The following NKAIN2 variants were observed in gnomAD, a reference collection of about 807,000 sequenced individuals.
The protein encoded by NKAIN2 is sodium/potassium-transporting ATPase subunit beta-1-interacting protein 2.
In NKAIN2, 14 loss-of-function variants were observed where a neutral mutation model predicts 32.6. The observed-to-expected ratio is 0.43, with a 90% CI of 0.28 to 0.67. NKAIN2 has a LOEUF of 0.67. Among genes scored for constraint, NKAIN2 ranks in the 30% least tolerant of loss-of-function variants. The probability of loss-of-function intolerance (pLI) is 0.17; values close to 1 mark genes in which losing one functional copy is unlikely to be tolerated. For missense variants in NKAIN2, 198 were observed against 258.3 expected (o/e 0.77, Z 1.60); for synonymous variants, 80 against 87.2 (o/e 0.92, Z 0.46).
At chr6:124,580,623 C>A (rs1187434392) in intron 3 of NKAIN2, among the ~76,000 whole-genome samples, 1 of 151,900 alleles carries the variant, frequency 6.6e-6, no homozygotes, top group Non-Finnish European at 1.5e-5. Flanking sequence ...AACCAGAAAA[C>A]AAATAACAAA....
At chr6:124,609,189 C>A (rs1055554239) in intron 3 of NKAIN2, among the ~76,000 whole-genome samples, 7 of 152,042 alleles carry the variant, frequency 4.6e-5, no homozygotes, top group Admixed American at 3.9e-4. Context: ...CAATATTTCC[C>A]CTCAATGTAA....
chr6:124,636,019 C>T (rs1486423125), intron 3 of NKAIN2, among the ~76,000 whole-genome samples: 4 of 151,902 alleles, frequency 2.6e-5, no homozygotes, highest in Admixed American at 6.6e-5. Flanking sequence ...GAAACATTCT[C>T]CAGGATAGAG....
chr6:124,505,557 C>T (rs904344151), intron 3 of NKAIN2, among the ~76,000 whole-genome samples: 2 of 152,148 alleles, frequency 1.3e-5, no homozygotes, highest in Admixed American at 1.3e-4. Context: ...TAATTGGGAA[C>T]TTCTGCTAAG....
intron 4 of NKAIN2, among the ~76,000 whole-genome samples, chr6:124,752,409 G>A (rs183437608): frequency 3.9e-5 from 6 of 152,006 alleles, no homozygotes; most frequent in African/African-American, 9.6e-5. Context: ...AACATTATTC[G>A]CTTCTCTTCT....
intron 1 of NKAIN2, among the ~76,000 whole-genome samples, chr6:124,048,604 G>T (rs575345729): frequency 6.6e-6 from 1 of 150,658 alleles, no homozygotes; most frequent in East Asian, 2.0e-4. Context: ...GAATATGCCA[G>T]CATCTACACA....
chr6:124,440,980 ATAC>A (rs1226585458), intron 3 of NKAIN2, among the ~76,000 whole-genome samples: 1 of 152,096 alleles, frequency 6.6e-6, no homozygotes, highest in Non-Finnish European at 1.5e-5. Context: ...ACAGTGCCAT[ATAC>A]TAGTAATTGA....
At chr6:124,359,785 T>C (rs1434393549) in intron 3 of NKAIN2, among the ~76,000 whole-genome samples, 36 of 152,192 alleles carry the variant, frequency 2.4e-4, no homozygotes, top group African/African-American at 7.5e-4. Context: ...GCCTGATTGC[T>C]CTGGCCAGAA....
intron 4 of NKAIN2, among the ~76,000 whole-genome samples, chr6:124,711,863 G>C (rs1306650406): frequency 6.6e-6 from 1 of 152,152 alleles, no homozygotes; most frequent in African/African-American, 2.4e-5. Context: ...TGCTGGTGAG[G>C]AACTGTGTTC....
At chr6:124,066,196 AG>A (rs1337972215) in intron 1 of NKAIN2, among the ~76,000 whole-genome samples, 1 of 152,164 alleles carries the variant, frequency 6.6e-6, no homozygotes, top group African/African-American at 2.4e-5. Context: ...ATTATGTATA[AG>A]GGTTAACTTC....
intron 1 of NKAIN2, among the ~76,000 whole-genome samples, chr6:124,134,665 C>T (rs1786645228): frequency 6.6e-6 from 1 of 152,132 alleles, no homozygotes; most frequent in South Asian, 2.1e-4. Flanking sequence ...GCCTGGGCAA[C>T]AGAGCGAGAC....
intron 1 of NKAIN2, among the ~76,000 whole-genome samples, chr6:123,816,440 T>C (rs969689679): frequency 6.6e-6 from 1 of 152,118 alleles, no homozygotes; most frequent in African/African-American, 2.4e-5. Context: ...GAGGGCAAAG[T>C]AGTAATAAAT....
chr6:124,768,890 A>G (rs977428155), intron 4 of NKAIN2, among the ~76,000 whole-genome samples: 8 of 152,264 alleles, frequency 5.3e-5, no homozygotes, highest in African/African-American at 1.7e-4. Context: ...TTAAAAACCC[A>G]TTTTATAGTG....
At chr6:124,748,234 A>C (rs753962495) in intron 4 of NKAIN2, among the ~76,000 whole-genome samples, 1 of 152,022 alleles carries the variant, frequency 6.6e-6, no homozygotes, top group African/African-American at 2.4e-5. Context: ...ATTTTCCACT[A>C]TGCAACTGTT....
At chr6:124,013,439 A>G (rs1206155556) in intron 1 of NKAIN2, among the ~76,000 whole-genome samples, 1 of 152,206 alleles carries the variant, frequency 6.6e-6, no homozygotes, top group East Asian at 1.9e-4. Flanking sequence ...TAAAATTTAC[A>G]TAGATAGGCA....
intron 1 of NKAIN2, among the ~76,000 whole-genome samples, chr6:123,894,704 A>G (rs1774188865): frequency 6.6e-6 from 1 of 152,078 alleles, no homozygotes; most frequent in African/African-American, 2.4e-5. Context: ...AGTCATTTAT[A>G]TCCCAGGATT....
intron 4 of NKAIN2, among the ~76,000 whole-genome samples, chr6:124,690,788 C>T (rs1020148173): frequency 6.6e-6 from 1 of 152,186 alleles, no homozygotes; most frequent in African/African-American, 2.4e-5. Context: ...CAGCTTTCTC[C>T]TCAATTCAAT....
intron 1 of NKAIN2, among the ~76,000 whole-genome samples, chr6:123,892,178 G>GCATTA (rs1774051119): frequency 6.6e-6 from 1 of 152,146 alleles, no homozygotes. Context: ...AGGTCAAACT[G>GCATTA]CATTACATAC....
intron 1 of NKAIN2, among the ~76,000 whole-genome samples, chr6:124,241,807 T>TA (rs575866541): frequency 2.0e-5 from 3 of 146,564 alleles, no homozygotes; most frequent in African/African-American, 8.2e-5. Context: ...ATTTAATATA[T>TA]TTTTTTTAAA....
intron 1 of NKAIN2, among the ~76,000 whole-genome samples, chr6:123,940,117 G>A (rs2114550642): frequency 6.6e-6 from 1 of 152,008 alleles, no homozygotes; most frequent in East Asian, 1.9e-4. Context: ...CCCAGGATAA[G>A]GATGTGGAAC....
Sources: gnomAD v4.1 joint callset for allele counts (sites outside exome capture counted in the v4.1 genomes callset) on GRCh38, gnomAD v4.1.1 for gene constraint, MANE v1.5 for transcripts, NCBI Gene and HGNC (gene_info 2026-07-23, HGNC 2026-07-21) for gene names.